C1orf198: variants seen among roughly 807,000 people sequenced by gnomAD.
C1orf198 encodes the protein uncharacterized protein C1orf198.
In C1orf198, 17 loss-of-function variants were observed where a neutral mutation model predicts 31.4. That is an observed-to-expected ratio of 0.54 (90% CI 0.37 to 0.81). The LOEUF (loss-of-function observed/expected upper bound fraction) is 0.81, where lower values mean the gene tolerates loss of function less well. Among genes scored for constraint, C1orf198 ranks in the 40% least tolerant of loss-of-function variants. C1orf198 has a pLI of 0.00. For synonymous variants in C1orf198, 175 were observed against 193.8 expected, an observed-to-expected ratio of 0.90 and a Z score of 0.81; for missense variants, 401 against 450.3, an observed-to-expected ratio of 0.89 and a Z score of 0.99.
At chr1:230,852,540 C>T (rs1164250319) in intron 2 of C1orf198, among the ~76,000 whole-genome samples, 1 of 152,078 alleles carries the variant, frequency 6.6e-6, no homozygotes, top group East Asian at 1.9e-4. Flanking sequence ...TAAATATACA[C>T]AATTTTTCAT....
At position 230,868,408 on chromosome 1, in the gene C1orf198, C is replaced by G. The variant is rs1457370076; in HGVS notation, c.105G>C (p.Ser35=). ...TGATCTTCCTGGCCATGGGGCTCAG[C>G]GACGAGAAGTAAGTGAAGCGCTTTC... ...RERKRFTYFS[S]LSPMARKIMQ... Residue 35 remains serine (S), a synonymous_variant, in exon 1 of 4, where the codon TCG becomes TCC. Transcript: ENST00000366663. 6 of 1,593,258 alleles carry G rather than the reference C, an allele frequency of 3.8e-6. No individual in the cohort carries two copies. The highest frequency in any genetic ancestry group is 5.1e-6 in the Non-Finnish European group (6 of 1,170,518).
intron 1 of C1orf198, 110 bp from the exon 2 acceptor site, chr1:230,855,828 T>C (rs996172727): frequency 1.7e-5 from 26 of 1,520,684 alleles, no homozygotes; most frequent in Non-Finnish European, 1.9e-5. Context: ...TCCCAACTCC[T>C]GGCTCTAAAC....
intron 2 of C1orf198, among the ~76,000 whole-genome samples, chr1:230,849,656 ATG>A (rs1169636840): frequency 6.6e-6 from 1 of 152,238 alleles, no homozygotes; most frequent in Non-Finnish European, 1.5e-5. Flanking sequence ...CTGAAGAGGA[ATG>A]TGTAATATTT....
In C1orf198 at chr1:230,840,876, A is replaced by C. The variant is rs1669420445; in HGVS notation, c.928-968T>G. Among the ~76,000 whole-genome samples the C allele has an allele frequency of 6.6e-6, 1 of 152,208 alleles. No homozygotes were observed. The highest frequency in any genetic ancestry group is 2.4e-5 in the African/African-American group (1 of 41,454). ...GAGGCAAAACATGCAGAATGGAAGG[A>C]GTGCAATCCAGTTTTCCTTGTTCTG... is the stretch of plus-strand genomic sequence containing the variant. On this transcript the variant is annotated intron_variant, in intron 3 of 3. Coordinates refer to ENST00000366663, the MANE Select transcript of C1orf198 (RefSeq NM_032800.3). This position sits in a 1 kb window ranked among gnomAD's most constrained non-coding sequence, Gnocchi z 4.0.
chr1:230,859,446 T>C (rs1359200919), intron 1 of C1orf198, among the ~76,000 whole-genome samples: 2 of 152,140 alleles, frequency 1.3e-5, no homozygotes, highest in African/African-American at 4.8e-5. Flanking sequence ...TGGGCTTCAT[T>C]GTTGGCCAGG....
intron 2 of C1orf198, among the ~76,000 whole-genome samples, chr1:230,845,584 G>A (rs1264274159): frequency 6.6e-6 from 1 of 152,040 alleles, no homozygotes; most frequent in Non-Finnish European, 1.5e-5. Flanking sequence ...CAGGAAGGCT[G>A]AGGCAGGAGA....
intron 2 of C1orf198, among the ~76,000 whole-genome samples, chr1:230,850,335 G>A (rs1431971497): frequency 6.6e-6 from 1 of 152,326 alleles, no homozygotes; most frequent in East Asian, 1.9e-4. Flanking sequence ...TTGCTGTGAG[G>A]ATTACACTCT....
In C1orf198 at chr1:230,838,694, C is replaced by G. The variant is rs1669366383; in HGVS notation, c.*1158G>C. On this transcript the variant is annotated 3_prime_UTR_variant, in exon 4 of 4. Transcript: ENST00000366663. This position sits in a 1 kb window ranked among gnomAD's most constrained non-coding sequence, Gnocchi z 4.2. The stretch of plus-strand genomic sequence containing the variant: ...GCAGGCTCACACGGCTCAGGGGCCA[C>G]TGGGCAGGACAGCCTCTGAGTGCAG... 1.3e-5 allele frequency: 2 copies of G among 152,752 alleles called. No homozygotes were observed. Among genetic ancestry groups the G allele is most frequent in the South Asian group, 4.1e-4 (2 of 4,832 alleles). The allele number at this position is 152,752 out of a possible 1,614,324, so 9.5% of individuals were successfully genotyped here. A position where few individuals can be genotyped will look rare whatever the true frequency, so the allele number is the denominator to read the frequency against.
Position 230,852,844 on chromosome 1 carries a change from G to A in C1orf198, c.384+2824C>T, listed in dbSNP as rs1669778379. On this transcript the variant is annotated intron_variant, in intron 2 of 3. Transcript: ENST00000366663. ...ACTCTCTGCAGCTCTTCTATCAAGA[G>A]GTGCAATCTCTTTCCTCAAACATTG... 4.6e-5 allele frequency among the ~76,000 whole-genome samples: 7 copies of A among 152,314 alleles called. No homozygotes were observed. The South Asian group carries it at 1.4e-3, about 32-fold the overall frequency.
intron 1 of C1orf198, among the ~76,000 whole-genome samples, chr1:230,863,985 G>C (rs182410277): frequency 2.0e-5 from 3 of 151,382 alleles, no homozygotes; most frequent in African/African-American, 7.3e-5. Flanking sequence ...TTTTTTTAAT[G>C]TCAGATTTCA....
At chr1:230,844,901 A>C (rs775775224) in intron 2 of C1orf198, among the ~76,000 whole-genome samples, 3 of 152,188 alleles carry the variant, frequency 2.0e-5, no homozygotes, top group Non-Finnish European at 4.4e-5. Context: ...AGCTGTTTTG[A>C]CCAACAAAAT....
At chr1:230,858,384 G>C (rs1033892054) in intron 1 of C1orf198, among the ~76,000 whole-genome samples, 1 of 152,128 alleles carries the variant, frequency 6.6e-6, no homozygotes, top group Non-Finnish European at 1.5e-5. Context: ...TTAACTCTTC[G>C]TGAATAAATG....
chr1:230,867,901 C>T (rs749868116), intron 1 of C1orf198, among the ~76,000 whole-genome samples: 4 of 152,096 alleles, frequency 2.6e-5, no homozygotes, highest in Non-Finnish European at 5.9e-5. Context: ...ACGACAGCTC[C>T]GGGAGAAGTC....
intron 1 of C1orf198, 75 bp downstream of exon 1, chr1:230,868,105 G>C (rs11122619): frequency 0.18 from 229,798 of 1,264,724 alleles, 22,325 homozygotes; most frequent in East Asian, 0.44. Context: ...GCCTCACGCC[G>C]GCAGGTGCCC....
chr1:230,839,627 T>A lies in C1orf198; in HGVS notation c.*225A>T, dbSNP rs1669393003. On this transcript the variant is annotated 3_prime_UTR_variant, in exon 4 of 4. Coordinates refer to ENST00000366663, the MANE Select transcript of C1orf198 (RefSeq NM_032800.3). ...TGAATTATTAACAGACCTTAAAAAT[T>A]CCAAATGGAAAACTTCTGTTATCAA... is the stretch of plus-strand genomic sequence containing the variant. The A allele has an allele frequency of 4.3e-6, 2 of 463,828 alleles. No individual in the cohort carries two copies. The highest frequency in any genetic ancestry group is 8.7e-5 in the East Asian group (2 of 23,078). The allele number at this position is 463,828 out of a possible 1,614,324, so 28.7% of individuals were successfully genotyped here. A position where few individuals can be genotyped will look rare whatever the true frequency, so the allele number is the denominator to read the frequency against.
In C1orf198 at chr1:230,838,239, T is replaced by A. The variant is rs1292189730; in HGVS notation, c.*1613A>T. 1 of 152,188 alleles carries A rather than the reference T, an allele frequency of 6.6e-6. No individual in the cohort carries two copies. Among genetic ancestry groups the A allele is most frequent in the African/African-American group, 2.4e-5 (1 of 41,432 alleles). The allele number at this position is 152,188 out of a possible 1,614,324, so 9.4% of individuals were successfully genotyped here. A position where few individuals can be genotyped will look rare whatever the true frequency, so the allele number is the denominator to read the frequency against. On this transcript the variant is annotated 3_prime_UTR_variant, in exon 4 of 4. Coordinates refer to ENST00000366663, the MANE Select transcript of C1orf198 (RefSeq NM_032800.3). The surrounding 1 kb of genome is among the most constrained non-coding windows in gnomAD (Gnocchi z 4.2). ...GAAACCTTTTTTTGCCTCACATATA[T>A]CAACTATACTTAAATGGTACAGAAA...
intron 1 of C1orf198, among the ~76,000 whole-genome samples, chr1:230,859,222 AC>A (rs999453943): frequency 6.6e-6 from 1 of 152,166 alleles, no homozygotes; most frequent in African/African-American, 2.4e-5. Flanking sequence ...AAGTGGCGGC[AC>A]CCACTCACAC....
chr1:230,844,025 A>G, intron 2 of C1orf198, 129 bp from the exon 3 acceptor site: 3 of 974,022 alleles, frequency 3.1e-6, no homozygotes, highest in African/African-American at 1.6e-5. Flanking sequence ...GTTGTTGCCC[A>G]TGTGCTGGAA....
chr1:230,853,880 G>T (rs1490224170), intron 2 of C1orf198, among the ~76,000 whole-genome samples: 1 of 152,150 alleles, frequency 6.6e-6, no homozygotes, highest in Non-Finnish European at 1.5e-5. Context: ...GACTGTACTT[G>T]CTCTCTTTTT....
Sources: allele counts gnomAD v4.1 joint callset (sites outside exome capture counted in the v4.1 genomes callset), GRCh38; gene constraint gnomAD v4.1.1; non-coding constraint Gnocchi (gnomAD v3.1); transcripts MANE v1.5; gene names NCBI Gene and HGNC (gene_info 2026-07-23, HGNC 2026-07-21).